FGF13: variants seen among roughly 807,000 people sequenced by gnomAD.
FGF13 encodes fibroblast growth factor 13, also known as fibroblast growth factor homologous factor 2.
Under a neutral mutation model 19.5 loss-of-function variants are expected in FGF13, and 2 were observed. That is an observed-to-expected ratio of 0.10 (90% CI 0.04 to 0.32). The LOEUF (loss-of-function observed/expected upper bound fraction) is 0.32. FGF13 is among the 10% of genes least tolerant of loss of function. FGF13 has a pLI of 1.00. For synonymous variants in FGF13, 72 were observed against 76.9 expected, an observed-to-expected ratio of 0.94 and a Z score of 0.33; for missense variants, 113 against 192.7, an observed-to-expected ratio of 0.59 and a Z score of 2.45.
At chrX:138,889,258 C>G (rs2091465365) in intron 1 of FGF13, among the ~76,000 whole-genome samples, 1 of 111,640 alleles carries the variant, frequency 9.0e-6, no homozygotes, top group Admixed American at 9.5e-5. Flanking sequence ...CATTTCTTCC[C>G]TCTGCAAAAT....
intron 1 of FGF13, among the ~76,000 whole-genome samples, chrX:139,017,566 A>G (rs1475720389): frequency 9.0e-6 from 1 of 110,976 alleles, no homozygotes; most frequent in African/African-American, 3.3e-5. Flanking sequence ...TTGAACCTTC[A>G]AAGGAATTCT....
At chrX:138,927,486 T>G (rs758867439) in intron 1 of FGF13, among the ~76,000 whole-genome samples, 147 of 112,294 alleles carry the variant, frequency 1.3e-3, no homozygotes, top group African/African-American at 4.6e-3. Context: ...TTTCAATGCA[T>G]TTAACAGTAT....
chrX:138,715,336 T>G (rs2090091509), upstream of FGF13, among the ~76,000 whole-genome samples: 1 of 112,389 alleles, frequency 8.9e-6, no homozygotes, highest in Non-Finnish European at 1.9e-5. Flanking sequence ...TTTCCCATCT[T>G]TAAAGTAATA....
At chrX:138,958,982 T>A (rs1000141500) in intron 1 of FGF13, among the ~76,000 whole-genome samples, 1 of 111,969 alleles carries the variant, frequency 8.9e-6, no homozygotes, top group Non-Finnish European at 1.9e-5. Context: ...GCTCCTGGAT[T>A]CACTGATTTT....
At chrX:138,927,933 T>C (rs1173030861) in intron 1 of FGF13, among the ~76,000 whole-genome samples, 2 of 112,065 alleles carry the variant, frequency 1.8e-5, no homozygotes, top group Non-Finnish European at 3.8e-5. Context: ...TGTGATCAAA[T>C]ATTTACATAT....
chrX:139,004,917 T>C (rs1306836471), intron 1 of FGF13, among the ~76,000 whole-genome samples: 1 of 111,834 alleles, frequency 8.9e-6, no homozygotes, highest in Non-Finnish European at 1.9e-5. Flanking sequence ...GAACACCAGG[T>C]AGACTTCTAG....
intron 1 of FGF13, among the ~76,000 whole-genome samples, chrX:139,004,604 A>T (rs1428359411): frequency 8.9e-6 from 1 of 112,589 alleles, no homozygotes; most frequent in Non-Finnish European, 1.9e-5. Context: ...GCTCAGCCAC[A>T]AAGGGACAGA....
At chrX:138,946,136 T>C (rs1203813320) in intron 1 of FGF13, among the ~76,000 whole-genome samples, 2 of 111,897 alleles carry the variant, frequency 1.8e-5, no homozygotes. Flanking sequence ...ATTTGTAAGG[T>C]AGGTATGATA....
intron 1 of FGF13, among the ~76,000 whole-genome samples, chrX:138,993,422 A>G (rs984363753): frequency 8.9e-6 from 1 of 112,175 alleles, no homozygotes; most frequent in African/African-American, 3.2e-5. Flanking sequence ...AAATTATTTC[A>G]AAATAAAAAG....
chrX:138,974,499 C>T (rs769201042), intron 1 of FGF13, among the ~76,000 whole-genome samples: 1 of 112,130 alleles, frequency 8.9e-6, no homozygotes, highest in African/African-American at 3.2e-5. Flanking sequence ...AGACTCATCT[C>T]TACAGTTCAG....
chrX:138,781,429 TA>T (rs2090641535), intron 3 of FGF13, among the ~76,000 whole-genome samples: 1 of 108,150 alleles, frequency 9.2e-6, no homozygotes, highest in Admixed American at 9.9e-5. Context: ...GCAAGACTAA[TA>T]AAGAAAAAAA....
At chrX:138,857,576 C>T in exon 3 of FGF13, 3 of 1,207,445 alleles carry the variant, frequency 2.5e-6, no homozygotes, top group Non-Finnish European at 2.2e-6. Flanking sequence ...TTTCGTGACA[C>T]TTAGCACGAA....
intron 1 of FGF13, among the ~76,000 whole-genome samples, chrX:139,145,223 C>A (rs1372307183): frequency 9.0e-6 from 1 of 110,956 alleles, no homozygotes; most frequent in African/African-American, 3.3e-5. Context: ...ATTTTGCAGA[C>A]CCCCTCAAAG....
intron 1 of FGF13, among the ~76,000 whole-genome samples, chrX:138,733,867 A>G (rs1445427871): frequency 9.0e-6 from 1 of 110,885 alleles, no homozygotes. Flanking sequence ...CTGAGAATGA[A>G]ATAGTATGGA....
Position 138,619,005 on chromosome X carries a change from G to A in FGF13, c.*13845C>T, listed in dbSNP as rs1280443900. ...TCTTCAAATGTGAACATGGCAACAC[G>A]AGATTTCAAGGAACACCTGCCAAAA... On this transcript the variant is annotated 3_prime_UTR_variant, in exon 5 of 5. Coordinates refer to ENST00000315930, the MANE Select transcript of FGF13 (RefSeq NM_004114.5). 1 of 109,998 alleles carries A rather than the reference G, an allele frequency of 9.1e-6. No homozygotes were observed. The highest frequency in any genetic ancestry group is 1.9e-5 in the Non-Finnish European group (1 of 52,891). The allele number at this position is 109,998 out of a possible 1,213,427, so 9.1% of individuals were successfully genotyped here. A position where few individuals can be genotyped will look rare whatever the true frequency, so the allele number is the denominator to read the frequency against.
At chrX:138,824,653 T>G (rs749397455) in intron 3 of FGF13, among the ~76,000 whole-genome samples, 1 of 111,536 alleles carries the variant, frequency 9.0e-6, no homozygotes, top group Non-Finnish European at 1.9e-5. Context: ...TATATGATAT[T>G]GGCCATAAAT....
At chrX:138,774,673 CCA>C (rs1207524629) in intron 3 of FGF13, among the ~76,000 whole-genome samples, 1 of 111,325 alleles carries the variant, frequency 9.0e-6, no homozygotes, top group African/African-American at 3.3e-5. Context: ...ATCTAAGTGC[CCA>C]CTTCCACACC....
chrX:138,924,500 G>A (rs1167406192), intron 1 of FGF13, among the ~76,000 whole-genome samples: 3 of 112,024 alleles, frequency 2.7e-5, no homozygotes, highest in Non-Finnish European at 3.8e-5. Flanking sequence ...AATGAAGGCA[G>A]CAAGGACATA....
At chrX:139,129,181 A>ACATATG (rs1556370095) in intron 1 of FGF13, among the ~76,000 whole-genome samples, 15 of 87,100 alleles carry the variant, frequency 1.7e-4, no homozygotes, top group African/African-American at 7.6e-4. Flanking sequence ...ACACACACAC[A>ACATATG]TGTGTGTGTG....
Sources: allele counts gnomAD v4.1 joint callset (sites outside exome capture counted in the v4.1 genomes callset), GRCh38; gene constraint gnomAD v4.1.1; transcripts MANE v1.5; gene names NCBI Gene and HGNC (gene_info 2026-07-23, HGNC 2026-07-21).